IRF2: variants seen among roughly 807,000 people sequenced by gnomAD.
IRF2 encodes interferon regulatory factor 2.
IRF2 carries 15 observed loss-of-function variants against 40.6 expected under a neutral mutation model. The observed-to-expected ratio is 0.37, with a 90% CI of 0.25 to 0.57. The LOEUF (loss-of-function observed/expected upper bound fraction) is 0.57. Ranked by LOEUF, IRF2 falls within the 20% of genes least tolerant of loss-of-function variation. IRF2 has a pLI of 0.77. For missense variants in IRF2, 317 were observed against 455.7 expected (o/e 0.70, Z 2.77); for synonymous variants, 151 against 165.5 (o/e 0.91, Z 0.67).
At chr4:184,417,501 C>T (rs767736359) in intron 5 of IRF2, among the ~76,000 whole-genome samples, 7 of 152,120 alleles carry the variant, frequency 4.6e-5, no homozygotes, top group Non-Finnish European at 8.8e-5. Context: ...AGGGCATATT[C>T]GGCTCTTCTC....
At chr4:184,409,228 G>T (rs369565663) in intron 5 of IRF2, among the ~76,000 whole-genome samples, 2 of 152,170 alleles carry the variant, frequency 1.3e-5, no homozygotes, top group African/African-American at 4.8e-5. Flanking sequence ...GCAAGTAGAC[G>T]TGACTGTGCT....
chr4:184,457,473 T>C (rs1738986483), intron 1 of IRF2, among the ~76,000 whole-genome samples: 2 of 152,260 alleles, frequency 1.3e-5, no homozygotes, highest in African/African-American at 4.8e-5. Flanking sequence ...CTTGATTCTC[T>C]AACTTGGGTT....
At chr4:184,404,961 G>A (rs1014081287) in intron 6 of IRF2, among the ~76,000 whole-genome samples, 1 of 152,216 alleles carries the variant, frequency 6.6e-6, no homozygotes, top group Non-Finnish European at 1.5e-5. Context: ...ACTCAGTAGA[G>A]GCCAGGCGCG....
chr4:184,439,952 T>C (rs764352272), intron 1 of IRF2, among the ~76,000 whole-genome samples: 1 of 152,226 alleles, frequency 6.6e-6, no homozygotes, highest in Non-Finnish European at 1.5e-5. Context: ...CAGCAGCTCT[T>C]CGTCCAGAGA....
At chr4:184,466,141 C>A (rs1739311544) in intron 1 of IRF2, among the ~76,000 whole-genome samples, 3 of 151,810 alleles carry the variant, frequency 2.0e-5, no homozygotes, top group Admixed American at 1.3e-4. Context: ...ACCTCCGCCG[C>A]CTGGGTTCAA....
chr4:184,407,250 C>G, intron 6 of IRF2: 1 of 1,287,138 alleles, frequency 7.8e-7, no homozygotes, highest in Non-Finnish European at 1.0e-6. Context: ...TTCCCAAAAA[C>G]AGAAGTCACC....
intron 5 of IRF2, among the ~76,000 whole-genome samples, chr4:184,417,013 T>C (rs1737305742): frequency 6.6e-6 from 1 of 152,136 alleles, no homozygotes; most frequent in African/African-American, 2.4e-5. Context: ...GCCATTGCAC[T>C]CCAGCCTGTG....
At chr4:184,403,141 C>T (rs536436167) in intron 6 of IRF2, among the ~76,000 whole-genome samples, 5 of 152,142 alleles carry the variant, frequency 3.3e-5, no homozygotes, top group Non-Finnish European at 7.3e-5. Flanking sequence ...TTCTCTCCAT[C>T]CAGACATCGT....
intron 6 of IRF2, among the ~76,000 whole-genome samples, chr4:184,402,450 C>T (rs528421915): frequency 6.6e-6 from 1 of 152,184 alleles, no homozygotes; most frequent in Admixed American, 6.5e-5. Context: ...ACACTTCTGA[C>T]CTCAAGTTGC....
intron 1 of IRF2, among the ~76,000 whole-genome samples, chr4:184,432,539 T>C (rs1418323201): frequency 6.6e-6 from 1 of 152,240 alleles, no homozygotes; most frequent in Non-Finnish European, 1.5e-5. Context: ...GCATGCATTA[T>C]AGTGCTGTGA....
At chr4:184,412,007 A>T (rs1369690680) in intron 5 of IRF2, among the ~76,000 whole-genome samples, 3 of 64,704 alleles carry the variant, frequency 4.6e-5, no homozygotes, top group East Asian at 3.1e-4. Context: ...CCAAAGATTA[A>T]AAAAAAAAAA....
chr4:184,394,513 A>G (rs1736374046), intron 7 of IRF2, among the ~76,000 whole-genome samples: 1 of 152,188 alleles, frequency 6.6e-6, no homozygotes, highest in African/African-American at 2.4e-5. Context: ...TTATTTTCAA[A>G]TCGGAATCCT....
At chr4:184,398,801 A>T (rs1381858085) in intron 7 of IRF2, 114 bp downstream of exon 7, 2 of 865,398 alleles carry the variant, frequency 2.3e-6, no homozygotes, top group Non-Finnish European at 3.3e-6. Flanking sequence ...TCCAGGGAGA[A>T]TAACTCCTAG....
chr4:184,447,897 C>T (rs1177973246), intron 1 of IRF2, among the ~76,000 whole-genome samples: 1 of 152,216 alleles, frequency 6.6e-6, no homozygotes, highest in Non-Finnish European at 1.5e-5. Context: ...CTGCAAGGGA[C>T]ATGACTGAGA....
intron 5 of IRF2, among the ~76,000 whole-genome samples, chr4:184,412,534 A>G (rs749992798): frequency 6.7e-6 from 1 of 149,750 alleles, no homozygotes. Context: ...ATCAAATTTA[A>G]GGACATCTCT....
intron 1 of IRF2, among the ~76,000 whole-genome samples, chr4:184,459,301 C>T (rs531965541): frequency 1.3e-5 from 2 of 152,304 alleles, no homozygotes; most frequent in African/African-American, 4.8e-5. Flanking sequence ...TAATTATTTA[C>T]TGCACAGTTC....
intron 1 of IRF2, among the ~76,000 whole-genome samples, chr4:184,456,790 G>A (rs966829181): frequency 1.4e-4 from 21 of 152,266 alleles, no homozygotes; most frequent in African/African-American, 5.1e-4. Flanking sequence ...GTCTACGCGA[G>A]TCCTGTGGCT....
rs780712778 is a variant in IRF2, at chr4:184,441,381, G to A, written c.-6-12311C>T. ...ATCAAAGATGGAAACATCGTTTCCC[G>A]GCCGGTTCTAATCTTTCCAAATCAC... On this transcript the variant is annotated intron_variant, in intron 1 of 8. Transcript: ENST00000393593. Among the ~76,000 whole-genome samples, 10 of 152,178 alleles carry A rather than the reference G, an allele frequency of 6.6e-5. No homozygotes were observed. In the East Asian group the frequency reaches 1.2e-3, roughly 18 times the overall value.
In IRF2 at chr4:184,448,776, C is replaced by T. The variant is rs567828662; in HGVS notation, c.-6-19706G>A. On this transcript the variant is annotated intron_variant, in intron 1 of 8. Coordinates refer to ENST00000393593, the MANE Select transcript of IRF2 (RefSeq NM_002199.4). This position sits in a 1 kb window ranked among gnomAD's most constrained non-coding sequence, Gnocchi z 4.3. Reference sequence around the variant, plus strand: ...GCAGGACACTTCAGGGTTCCCAGCGCCCCAAATCTGGCATTCCCAGAATAG... The same window carrying T: ...GCAGGACACTTCAGGGTTCCCAGCGTCCCAAATCTGGCATTCCCAGAATAG... 8 of 152,312 alleles carry T rather than the reference C, an allele frequency of 5.3e-5. No homozygotes were observed. The East Asian group carries it at 1.5e-3, about 29-fold the overall frequency. 9.4% of individuals were successfully genotyped at this position (152,312 alleles called of 1,614,324 possible). A position where few individuals can be genotyped will look rare whatever the true frequency, so the allele number is the denominator to read the frequency against.
Sources: gnomAD v4.1 joint callset for allele counts (sites outside exome capture counted in the v4.1 genomes callset) on GRCh38, gnomAD v4.1.1 for gene constraint, Gnocchi (gnomAD v3.1) non-coding constraint, MANE v1.5 for transcripts, NCBI Gene and HGNC (gene_info 2026-07-23, HGNC 2026-07-21) for gene names.